The following SLIT3 variants were observed in gnomAD, a reference collection of about 807,000 sequenced individuals.
SLIT3 encodes the protein slit guidance ligand 3, also known as slit homolog 3 protein.
A neutral mutation model predicts 184.0 loss-of-function variants in SLIT3; 68 were observed. The observed-to-expected ratio is 0.37, with a 90% CI of 0.30 to 0.45. The LOEUF is 0.45. Ranked by LOEUF, SLIT3 falls within the 20% of genes least tolerant of loss-of-function variation. The probability of loss-of-function intolerance (pLI) is 1.00; values close to 1 mark genes in which losing one functional copy is unlikely to be tolerated. For synonymous variants in SLIT3, 831 were observed against 828.6 expected (o/e 1.00, Z -0.05); for missense variants, 1,707 against 2,026.0 (o/e 0.84, Z 3.02).
intron 25 of SLIT3, chr5:168,708,583 A>G (rs1425417221): frequency 1.1e-5 from 2 of 182,054 alleles, no homozygotes; most frequent in Admixed American, 5.4e-5. Context: ...AAACCTTGGA[A>G]GAAAGAAATG....
intron 4 of SLIT3, among the ~76,000 whole-genome samples, chr5:169,177,082 G>A (rs938959648): frequency 2.6e-5 from 4 of 152,156 alleles, no homozygotes; most frequent in African/African-American, 9.7e-5. Flanking sequence ...CCTTTCCCCT[G>A]AGTAATATTT....
intron 4 of SLIT3, among the ~76,000 whole-genome samples, chr5:169,044,314 A>G (rs1051340703): frequency 1.3e-5 from 2 of 152,218 alleles, no homozygotes; most frequent in Admixed American, 6.5e-5. Flanking sequence ...CTGAAAACAT[A>G]CATGCACACA....
chr5:168,977,571 A>G (rs990327374), intron 4 of SLIT3, among the ~76,000 whole-genome samples: 1 of 152,148 alleles, frequency 6.6e-6, no homozygotes, highest in Non-Finnish European at 1.5e-5. Flanking sequence ...AATTACAGAC[A>G]AAGGGCACAA....
At chr5:168,840,316 A>T (rs544336074) in intron 6 of SLIT3, among the ~76,000 whole-genome samples, 10 of 152,204 alleles carry the variant, frequency 6.6e-5, no homozygotes, top group Non-Finnish European at 1.5e-4. Context: ...GTCAAGGGAC[A>T]ATGTCCAAAA....
At chr5:168,894,379 T>C (rs987667762) in intron 4 of SLIT3, among the ~76,000 whole-genome samples, 1 of 152,132 alleles carries the variant, frequency 6.6e-6, no homozygotes, top group Non-Finnish European at 1.5e-5. Flanking sequence ...AAAAAATAAG[T>C]GAACATGATT....
At chr5:168,999,928 G>C (rs1225661250) in intron 4 of SLIT3, among the ~76,000 whole-genome samples, 1 of 152,178 alleles carries the variant, frequency 6.6e-6, no homozygotes, top group Non-Finnish European at 1.5e-5. Flanking sequence ...GCTTGGAGTA[G>C]GGAGATGACC....
chr5:168,788,567 A>G (rs1756242797), intron 11 of SLIT3, among the ~76,000 whole-genome samples: 1 of 151,760 alleles, frequency 6.6e-6, no homozygotes, highest in South Asian at 2.1e-4. Context: ...GTTACATTTT[A>G]GAGTAAGTAA....
chr5:169,200,698 G>T (rs1207203837), intron 3 of SLIT3, among the ~76,000 whole-genome samples: 1 of 152,204 alleles, frequency 6.6e-6, no homozygotes, highest in Non-Finnish European at 1.5e-5. Context: ...AAAGAGTAGA[G>T]ATCCTTGATC....
At chr5:168,957,128 C>G (rs1388044838) in intron 4 of SLIT3, among the ~76,000 whole-genome samples, 1 of 151,182 alleles carries the variant, frequency 6.6e-6, no homozygotes, top group Non-Finnish European at 1.5e-5. Flanking sequence ...ACTCTGGAGG[C>G]TGCGGCAGGA....
chr5:168,910,892 A>G (rs188549057), intron 4 of SLIT3, among the ~76,000 whole-genome samples: 13 of 152,306 alleles, frequency 8.5e-5, no homozygotes, highest in African/African-American at 3.1e-4. Flanking sequence ...GTCCTTCAGA[A>G]GGGCAACTAG....
At chr5:168,669,279 A>G (rs886099554) in intron 35 of SLIT3, among the ~76,000 whole-genome samples, 4 of 152,184 alleles carry the variant, frequency 2.6e-5, no homozygotes, top group African/African-American at 7.2e-5. Flanking sequence ...TCTCTTCTGG[A>G]CCATTCACTC....
intron 4 of SLIT3, among the ~76,000 whole-genome samples, chr5:169,040,952 TGAA>T (rs1757430965): frequency 6.6e-6 from 1 of 152,210 alleles, no homozygotes; most frequent in African/African-American, 2.4e-5. Context: ...TGATAAACTC[TGAA>T]GAAGGGAGTG....
At chr5:169,177,867 A>G (rs1401512098) in intron 4 of SLIT3, among the ~76,000 whole-genome samples, 1 of 151,886 alleles carries the variant, frequency 6.6e-6, no homozygotes, top group African/African-American at 2.4e-5. Context: ...TGGCACTGCC[A>G]CTCTCCCAAC....
intron 4 of SLIT3, among the ~76,000 whole-genome samples, chr5:169,011,439 T>C (rs151072900): frequency 1.0e-3 from 154 of 152,284 alleles, no homozygotes; most frequent in African/African-American, 3.3e-3. Context: ...GTGACACCCA[T>C]CTACAAATAG....
At chr5:169,295,772 A>C (rs1014450241) in intron 1 of SLIT3, among the ~76,000 whole-genome samples, 8 of 152,268 alleles carry the variant, frequency 5.3e-5, no homozygotes, top group Non-Finnish European at 7.3e-5. Context: ...AGAAAACAAC[A>C]TAACAATCAA....
intron 4 of SLIT3, among the ~76,000 whole-genome samples, chr5:168,890,684 T>C (rs942763841): frequency 6.6e-6 from 1 of 152,126 alleles, no homozygotes; most frequent in African/African-American, 2.4e-5. Flanking sequence ...GAGAAAGAAG[T>C]GGTAGAAGAA....
At chr5:169,150,511 T>TCACACA (rs1388383280) in intron 4 of SLIT3, among the ~76,000 whole-genome samples, 1 of 136,304 alleles carries the variant, frequency 7.3e-6, no homozygotes, top group African/African-American at 3.0e-5. Flanking sequence ...TCTATTTCAC[T>TCACACA]CACATACACA....
At chr5:168,722,171 G>T in intron 23 of SLIT3, 85 bp downstream of exon 23, 1 of 1,231,634 alleles carries the variant, frequency 8.1e-7, no homozygotes, top group Non-Finnish European at 1.2e-6. Flanking sequence ...GCTTTGGGCA[G>T]AGAGTGGGGA....
rs114354625 is a variant in SLIT3, at chr5:168,913,257, T to A, written c.414-29921A>T. On this transcript the variant is annotated intron_variant, in intron 4 of 35. Transcript: ENST00000519560. ...TCTAATGGCAAAAACTGCAATTAGT[T>A]TTGCACCAATCAATACATACGGAGT... is the stretch of plus-strand genomic sequence containing the variant. Among the ~76,000 whole-genome samples the A allele has an allele frequency of 4.2e-3, 645 of 152,234 alleles. 5 individuals are homozygous for A. The highest frequency in any genetic ancestry group is 0.015 in the African/African-American group (622 of 41,550).
Sources: gnomAD v4.1 joint callset for allele counts (sites outside exome capture counted in the v4.1 genomes callset) on GRCh38, gnomAD v4.1.1 for gene constraint, MANE v1.5 for transcripts, NCBI Gene and HGNC (gene_info 2026-07-23, HGNC 2026-07-21) for gene names.